SNX29: variants seen among roughly 807,000 people sequenced by gnomAD.
SNX29 encodes the protein sorting nexin 29.
A neutral mutation model predicts 102.1 loss-of-function variants in SNX29; 78 were observed. The observed-to-expected ratio is 0.76, with a 90% CI of 0.64 to 0.92. The LOEUF is 0.92. Among genes scored for constraint, SNX29 ranks in the 40% least tolerant of loss-of-function variants. The pLI is 0.00. For missense variants in SNX29, 1,280 were observed against 1,061.7 expected, an observed-to-expected ratio of 1.21 and a Z score of -2.86; for synonymous variants, 580 against 414.5, an observed-to-expected ratio of 1.40 and a Z score of -4.85.
chr16:12,150,975 G>C (rs748878720), intron 13 of SNX29, among the ~76,000 whole-genome samples: 2 of 152,178 alleles, frequency 1.3e-5, no homozygotes, highest in Non-Finnish European at 2.9e-5. Flanking sequence ...GACCTTCCCA[G>C]CAAAGATACC....
At chr16:12,392,523 G>A (rs1423248540) in intron 16 of SNX29, among the ~76,000 whole-genome samples, 1 of 152,158 alleles carries the variant, frequency 6.6e-6, no homozygotes, top group Non-Finnish European at 1.5e-5. Context: ...TGAGCGATCA[G>A]ATGTGCCTGC....
chr16:12,109,718 G>GA (rs2141256981), intron 11 of SNX29, among the ~76,000 whole-genome samples: 1 of 150,268 alleles, frequency 6.7e-6, no homozygotes, highest in East Asian at 2.0e-4. Flanking sequence ...TTAACCTGTT[G>GA]AGCTTCCATT....
chr16:12,505,545 T>C (rs75880206), intron 19 of SNX29, among the ~76,000 whole-genome samples: 1,967 of 152,286 alleles, frequency 0.013, 48 homozygotes, highest in East Asian at 0.094. Flanking sequence ...TGCAACATGA[T>C]GCTGTGGGAT....
chr16:12,437,118 TAAAG>T (rs1597376095), intron 18 of SNX29, among the ~76,000 whole-genome samples: 1 of 152,276 alleles, frequency 6.6e-6, no homozygotes, highest in South Asian at 2.1e-4. Flanking sequence ...AGCGTGTGCA[TAAAG>T]AATCATGGGG....
Position 12,524,815 on chromosome 16 carries a change from C to G in SNX29, c.2292C>G (p.Thr764=), listed in dbSNP as rs750764942. 2.5e-6 allele frequency: 4 copies of G among 1,613,378 alleles called. No homozygotes were observed. In the East Asian group the frequency reaches 8.9e-5, roughly 36 times the overall value. Residue 764 remains threonine (T), a synonymous_variant, in exon 20 of 21, where the codon ACC becomes ACG. Coordinates refer to ENST00000566228, the MANE Select transcript of SNX29 (RefSeq NM_032167.5). ...PEFAASPKKE[T]LIQLMPFFVD... The stretch of plus-strand genomic sequence containing the variant: ...TCGCTGCCAGCCCCAAGAAGGAGAC[C>G]CTCATCCAGCTGATGCCCTTCTTCG...
intron 18 of SNX29, among the ~76,000 whole-genome samples, chr16:12,422,826 T>A (rs78651647): frequency 0.04 from 6,118 of 152,338 alleles, 257 homozygotes; most frequent in African/African-American, 0.11. Flanking sequence ...ATTTCACTTT[T>A]GTGAAGCCTG....
chr16:12,180,785 C>T (rs577851457), intron 13 of SNX29, among the ~76,000 whole-genome samples: 20 of 152,222 alleles, frequency 1.3e-4, no homozygotes, highest in South Asian at 4.2e-4. Flanking sequence ...TCGCCTGGCC[C>T]GTTGCTTCTC....
At chr16:12,545,809 C>T (rs749343660) in intron 20 of SNX29, among the ~76,000 whole-genome samples, 2 of 152,050 alleles carry the variant, frequency 1.3e-5, no homozygotes, top group Admixed American at 6.6e-5. Flanking sequence ...AGGGGCCTCC[C>T]TACTGACTCT....
chr16:12,203,965 T>G (rs1240283982), intron 14 of SNX29, among the ~76,000 whole-genome samples: 1 of 152,214 alleles, frequency 6.6e-6, no homozygotes, highest in Non-Finnish European at 1.5e-5. Flanking sequence ...TCCTGTGATG[T>G]CGGTGGCTTC....
In SNX29 at chr16:12,398,437, T is replaced by C. The variant is rs776691610; in HGVS notation, c.1900-9T>C. On this transcript the variant is annotated splice_polypyrimidine_tract_variant and intron_variant, in intron 16 of 20. Transcript: ENST00000566228. Reference sequence around the variant, plus strand: ...TTTTTCTCCCCTCTCCCCCTTCTCCTGATGGTAGGTGCCTGGAGATTTGAG... The same window carrying C: ...TTTTTCTCCCCTCTCCCCCTTCTCCCGATGGTAGGTGCCTGGAGATTTGAG... 1 of 1,614,012 alleles carries C rather than the reference T, an allele frequency of 6.2e-7. No individual in the cohort carries two copies.
intron 11 of SNX29, chr16:12,081,690 A>AG (rs2051895699): frequency 3.1e-5 from 3 of 97,288 alleles, no homozygotes; most frequent in African/African-American, 5.2e-5. Flanking sequence ...AAAAAAAAAA[A>AG]AAAAAGAAAA....
At chr16:12,201,482 G>T (rs2076913655) in intron 14 of SNX29, among the ~76,000 whole-genome samples, 1 of 152,178 alleles carries the variant, frequency 6.6e-6, no homozygotes, top group Non-Finnish European at 1.5e-5. Context: ...GTTATTAGAG[G>T]CTTAGGAGAG....
At chr16:12,544,742 G>A (rs1271175784) in intron 20 of SNX29, among the ~76,000 whole-genome samples, 1 of 152,200 alleles carries the variant, frequency 6.6e-6, no homozygotes, top group African/African-American at 2.4e-5. Flanking sequence ...GGCCCAGAGA[G>A]GTGAAGGGAC....
intron 14 of SNX29, among the ~76,000 whole-genome samples, chr16:12,209,640 G>A (rs540429662): frequency 6.6e-6 from 1 of 152,196 alleles, no homozygotes; most frequent in Non-Finnish European, 1.5e-5. Flanking sequence ...TGGGCCACCA[G>A]CTGCGTGTTT....
At chr16:12,365,313 C>T (rs933075119) in intron 16 of SNX29, among the ~76,000 whole-genome samples, 2 of 141,278 alleles carry the variant, frequency 1.4e-5, no homozygotes, top group African/African-American at 5.3e-5. Flanking sequence ...CTTCTCACTT[C>T]ATACATCAGG....
chr16:12,208,356 C>T (rs560392998), intron 14 of SNX29, among the ~76,000 whole-genome samples: 145 of 152,198 alleles, frequency 9.5e-4, no homozygotes, highest in Non-Finnish European at 1.5e-3. Flanking sequence ...TGGTCTCCAT[C>T]TTCTCACTCA....
intron 20 of SNX29, among the ~76,000 whole-genome samples, chr16:12,540,034 G>A (rs1304151251): frequency 3.9e-5 from 6 of 152,250 alleles, no homozygotes; most frequent in South Asian, 2.1e-4. Context: ...TAATTTTGAT[G>A]AAATTTACTT....
intron 2 of SNX29, among the ~76,000 whole-genome samples, 185 bp downstream of exon 2, chr16:11,999,543 G>A (rs894695297): frequency 6.6e-6 from 1 of 152,174 alleles, no homozygotes; most frequent in African/African-American, 2.4e-5. Context: ...TGGGTTGGAG[G>A]AAGTCCTGTG....
At chr16:12,552,994 C>T (rs1479320874) in intron 20 of SNX29, among the ~76,000 whole-genome samples, 2 of 152,182 alleles carry the variant, frequency 1.3e-5, no homozygotes, top group African/African-American at 4.8e-5. Flanking sequence ...GTCTGAGGGG[C>T]TGAAATCAGG....
Sources: allele counts gnomAD v4.1 joint callset (sites outside exome capture counted in the v4.1 genomes callset), GRCh38; gene constraint gnomAD v4.1.1; transcripts MANE v1.5; gene names NCBI Gene and HGNC (gene_info 2026-07-23, HGNC 2026-07-21).